Variants in MCF2L observed in about 807,000 individuals in gnomAD.
The protein encoded by MCF2L is guanine nucleotide exchange factor DBS.
In MCF2L, 97 loss-of-function variants were observed where a neutral mutation model predicts 153.4. The observed-to-expected ratio is 0.63, with a 90% CI of 0.54 to 0.75. The LOEUF (loss-of-function observed/expected upper bound fraction) is 0.75, where lower values mean the gene tolerates loss of function less well. Among genes scored for constraint, MCF2L ranks in the 30% least tolerant of loss-of-function variants. The probability of loss-of-function intolerance (pLI) is 0.00; values close to 1 mark genes in which losing one functional copy is unlikely to be tolerated. For missense variants in MCF2L, 1,347 were observed against 1,495.2 expected (o/e 0.90, Z 1.64); for synonymous variants, 659 against 632.2 (o/e 1.04, Z -0.64).
chr13:112,985,195 C>T (rs967375568), intron 1 of MCF2L: 5 of 346,160 alleles, frequency 1.4e-5, no homozygotes, highest in African/African-American at 2.1e-5. Context: ...GAGCAGGAAT[C>T]GGCCTCCAGG....
In MCF2L at chr13:113,030,934, T is replaced by C. The variant is rs193281457; in HGVS notation, c.278+6176T>C. On this transcript the variant is annotated intron_variant, in intron 3 of 29. Coordinates refer to ENST00000535094, the MANE Select transcript of MCF2L (RefSeq NM_001112732.3). ...CACACACTGGGAACACAACAGCAAA[T>C]AAACAGAGAAAATTGTGGCGCTGAG... 2.6e-4 allele frequency among the ~76,000 whole-genome samples: 40 copies of C among 151,934 alleles called. No individual in the cohort carries two copies. The East Asian group carries it at 5.8e-3, about 22-fold the overall frequency.
intron 2 of MCF2L, among the ~76,000 whole-genome samples, chr13:112,949,637 A>C (rs558143759): frequency 6.6e-6 from 1 of 152,234 alleles, no homozygotes; most frequent in South Asian, 2.1e-4. Context: ...TCATATAATC[A>C]TGTCAACCAG....
At chr13:113,026,023 C>T (rs1489882169) in intron 3 of MCF2L, among the ~76,000 whole-genome samples, 1 of 78,218 alleles carries the variant, frequency 1.3e-5, no homozygotes, top group Non-Finnish European at 2.6e-5. Flanking sequence ...GTGGGGTCCC[C>T]GTGACTGTGG....
chr13:113,008,800 T>A (rs1198632207), intron 1 of MCF2L: 1 of 152,238 alleles, frequency 6.6e-6, no homozygotes, highest in African/African-American at 2.4e-5. Context: ...CATTTTGATT[T>A]TCAGTCTGAT....
At chr13:112,897,051 C>T (rs1023059830) in intron 1 of MCF2L, among the ~76,000 whole-genome samples, 4 of 152,112 alleles carry the variant, frequency 2.6e-5, no homozygotes, top group African/African-American at 9.7e-5. Context: ...GCTCGGAGTG[C>T]GGGTGGCAGA....
chr13:113,050,243 C>T (rs1269662651), intron 4 of MCF2L, among the ~76,000 whole-genome samples: 4 of 146,716 alleles, frequency 2.7e-5, no homozygotes, highest in African/African-American at 2.5e-5. Context: ...TGAGTGTGTG[C>T]GCGAGTGGGA....
At chr13:113,061,409 G>A (rs1460548041) in intron 5 of MCF2L, among the ~76,000 whole-genome samples, 2 of 152,100 alleles carry the variant, frequency 1.3e-5, no homozygotes, top group Non-Finnish European at 2.9e-5. Flanking sequence ...GCCTTGGCGA[G>A]CTCACATCTT....
At chr13:113,063,369 G>A (rs1047658178) in intron 5 of MCF2L, among the ~76,000 whole-genome samples, 5 of 151,386 alleles carry the variant, frequency 3.3e-5, no homozygotes, top group African/African-American at 7.4e-5. Flanking sequence ...CGCCCACAGC[G>A]TTCAGGCGTC....
At chr13:113,043,386 C>G (rs374850393) in intron 3 of MCF2L, 29 of 152,284 alleles carry the variant, frequency 1.9e-4, no homozygotes, top group African/African-American at 7.0e-4. Context: ...TCTAGGAGGA[C>G]TGGGACCCAG....
chr13:112,979,331 C>T, intron 1 of MCF2L: 1 of 1,237,560 alleles, frequency 8.1e-7, no homozygotes, highest in Non-Finnish European at 1.0e-6. Context: ...ACACAGCAGG[C>T]AGGCCCAGCG....
chr13:113,086,302 C>A, intron 21 of MCF2L, 53 bp downstream of exon 21: 2 of 1,592,024 alleles, frequency 1.3e-6, no homozygotes, highest in African/African-American at 1.4e-5. Flanking sequence ...AATACACCAG[C>A]CCAGCAACTT....
Position 113,087,164 on chromosome 13 carries a change from C to A in MCF2L, c.2374-71C>A, listed in dbSNP as rs535719088. On this transcript the variant is annotated intron_variant, in intron 21 of 29. Coordinates refer to ENST00000535094, the MANE Select transcript of MCF2L (RefSeq NM_001112732.3). Reference sequence around the variant, plus strand: ...GTGGGCTTTGCAGAGTGGCTGCTTTCACTCAGCGATGCGCGTCCATGGCCC... The same window carrying A: ...GTGGGCTTTGCAGAGTGGCTGCTTTAACTCAGCGATGCGCGTCCATGGCCC... The A allele has an allele frequency of 7.6e-5, 103 of 1,348,208 alleles. No homozygotes were observed. The African/African-American group carries it at 1.4e-3, about 19-fold the overall frequency. The allele number at this position is 1,348,208 out of a possible 1,614,324, so 83.5% of individuals were successfully genotyped here. A position where few individuals can be genotyped will look rare whatever the true frequency, so the allele number is the denominator to read the frequency against.
At chr13:112,962,938 C>A (rs2081850218) in intron 2 of MCF2L, among the ~76,000 whole-genome samples, 1 of 152,230 alleles carries the variant, frequency 6.6e-6, no homozygotes, top group South Asian at 2.1e-4. Flanking sequence ...GCTGACCAAG[C>A]ATCTGGCCTG....
chr13:112,922,031 G>GT (rs977418101), intron 2 of MCF2L, among the ~76,000 whole-genome samples: 6 of 152,086 alleles, frequency 3.9e-5, no homozygotes, highest in African/African-American at 7.2e-5. Context: ...AAGCTGTTTT[G>GT]AAAGAGACAC....
At chr13:113,096,300 G>T (rs996913098) in intron 27 of MCF2L, 71 bp from the exon 28 acceptor site, 1 of 1,238,902 alleles carries the variant, frequency 8.1e-7, no homozygotes, top group Non-Finnish European at 1.2e-6. Context: ...CCGGCACTCC[G>T]CCTGGCTGCT....
chr13:113,086,906 G>A (rs1422571194), intron 21 of MCF2L, among the ~76,000 whole-genome samples: 1 of 152,178 alleles, frequency 6.6e-6, no homozygotes, highest in Admixed American at 6.5e-5. Flanking sequence ...ATTAGTGACT[G>A]AGGGCCGTTC....
In MCF2L at chr13:113,064,409, T is replaced by G. The variant is rs201672761; in HGVS notation, c.595T>G (p.Cys199Gly). 7.6e-4 allele frequency: 1,217 copies of G among 1,611,660 alleles called. 1 individual carries two copies. The highest frequency in any genetic ancestry group is 1.6e-3 in the South Asian group (145 of 91,078). ...GGACTACTGCCACTCCCGGTGGCTG[T>G]GCCAGCGCACGGTGAGCCGCGTCGG... ...TLDYCHSRWL[C>G]QRTAIESFAL... The change falls in exon 6 of 30, where the codon TGC becomes GGC. Residue 199 changes from cysteine (C) to glycine (G), a missense_variant. Transcript: ENST00000535094. This position sits in a 1 kb window ranked among gnomAD's most constrained non-coding sequence, Gnocchi z 6.0.
At chr13:113,007,898 T>C (rs1168414207) in intron 1 of MCF2L, among the ~76,000 whole-genome samples, 2 of 149,752 alleles carry the variant, frequency 1.3e-5, no homozygotes, top group Non-Finnish European at 3.0e-5. Context: ...GTTTTTAGTA[T>C]GTGTATCTTT....
At position 112,917,132 on chromosome 13, in the gene MCF2L, C is replaced by A. The variant is rs561414973; in HGVS notation, c.169+14761C>A. On this transcript the variant is annotated intron_variant, in intron 2 of 29. Coordinates refer to the MCF2L transcript ENST00000375608. ...TACTCAGCCCCTCGGCGATCTCAGTCCCCTGGCTTGTGACCCACCTGAGTG... is the reference window on the plus strand; with the variant it reads ...TACTCAGCCCCTCGGCGATCTCAGTACCCTGGCTTGTGACCCACCTGAGTG... 4 of 471,300 alleles carry A rather than the reference C, an allele frequency of 8.5e-6. No homozygotes were observed. The East Asian group carries it at 2.1e-4, about 25-fold the overall frequency. The allele number at this position is 471,300 out of a possible 1,614,324, so 29.2% of individuals were successfully genotyped here. A position where few individuals can be genotyped will look rare whatever the true frequency, so the allele number is the denominator to read the frequency against.
Sources: allele counts gnomAD v4.1 joint callset (sites outside exome capture counted in the v4.1 genomes callset), GRCh38; gene constraint gnomAD v4.1.1; non-coding constraint Gnocchi (gnomAD v3.1); transcripts MANE v1.5; gene names NCBI Gene and HGNC (gene_info 2026-07-23, HGNC 2026-07-21).